Variants in GLS2 observed in about 807,000 individuals in gnomAD.
GLS2 encodes glutaminase liver isoform, mitochondrial.
GLS2 carries 52 observed loss-of-function variants against 79.0 expected under a neutral mutation model. The observed-to-expected ratio is 0.66, with a 90% confidence interval of 0.53 to 0.83. The LOEUF (loss-of-function observed/expected upper bound fraction) is 0.83. GLS2 is among the 40% of genes least tolerant of loss of function. The pLI is 0.00. For synonymous variants in GLS2, 238 were observed against 280.8 expected, an observed-to-expected ratio of 0.85 and a Z score of 1.52; for missense variants, 561 against 764.8, an observed-to-expected ratio of 0.73 and a Z score of 3.14.
intron 4 of GLS2, chr12:56,478,672 G>C (rs767071251): frequency 3.9e-6 from 1 of 259,464 alleles, no homozygotes. Context: ...CTCATTCATA[G>C]GACTCCCAGC....
In GLS2 at chr12:56,479,958, C is replaced by T. The variant is rs1870155063; in HGVS notation, c.283-57G>A. The T allele has an allele frequency of 1.1e-5, 18 of 1,576,860 alleles. No individual in the cohort carries two copies. The East Asian group carries it at 1.6e-4, about 14-fold the overall frequency. On this transcript the variant is annotated intron_variant, in intron 2 of 17. Transcript: ENST00000311966. ...GCTACAAGGACAGTGATGTACTCCT[C>T]ATAATCTTTCCCACTGGATACCCAA...
In GLS2 at chr12:56,471,079, T is replaced by G; in HGVS notation, c.*408A>C. 1 of 334,032 alleles carries G rather than the reference T, an allele frequency of 3.0e-6. No individual in the cohort carries two copies. The highest frequency in any genetic ancestry group is 5.4e-6 in the Non-Finnish European group (1 of 185,470). The allele number at this position is 334,032 out of a possible 1,614,324, so 20.7% of individuals were successfully genotyped here. A position where few individuals can be genotyped will look rare whatever the true frequency, so the allele number is the denominator to read the frequency against. ...TTCTCCAGACTACTAAAGCCATGTA[T>G]ATAGCCATTCCCACTTCCCATATTC... is the stretch of plus-strand genomic sequence containing the variant. On this transcript the variant is annotated 3_prime_UTR_variant, in exon 18 of 18. Coordinates refer to ENST00000311966, the MANE Select transcript of GLS2 (RefSeq NM_013267.4).
intron 6 of GLS2, 40 bp downstream of exon 6, chr12:56,477,893 G>C (rs371307227): frequency 6.3e-7 from 1 of 1,593,826 alleles, no homozygotes; most frequent in Non-Finnish European, 8.6e-7. Context: ...AAGGAGAAGG[G>C]GACAGCTGTA....
Position 56,477,993 on chromosome 12 carries a change from T to G in GLS2, c.718A>C (p.Lys240Gln). Residue 240 changes from lysine (K) to glutamine (Q), a missense_variant, in exon 6 of 18, where the codon AAG (lysine) becomes CAG (glutamine). Around this residue, in one of 4 missense-constraint regions of GLS2, gnomAD observed 221 missense variants for 275.6 expected, o/e 0.80. Transcript: ENST00000311966. Reference sequence around the variant, plus strand: ...CCACTTGGCTCTTTGCCCACAAACTTGTGCACGTAGTCAGTGCCTAGGGTG... The same window carrying G: ...CCACTTGGCTCTTTGCCCACAAACTGGTGCACGTAGTCAGTGCCTAGGGTG... ...ISTLGTDYVHKFVGKEPSGLR... is the reference protein window; with the variant it reads ...ISTLGTDYVHQFVGKEPSGLR... 1.9e-6 allele frequency: 3 copies of G among 1,614,196 alleles called. No individual in the cohort carries two copies. Among genetic ancestry groups the G allele is most frequent in the Non-Finnish European group, 1.7e-6 (2 of 1,180,024 alleles).
At position 56,478,691 on chromosome 12, in the gene GLS2, A is replaced by G. The variant is rs568133176; in HGVS notation, c.534+361T>C. The G allele has an allele frequency of 1.2e-5, 3 of 257,332 alleles. No individual in the cohort carries two copies. The East Asian group carries it at 2.9e-4, about 25-fold the overall frequency. 15.9% of individuals were successfully genotyped at this position (257,332 alleles called of 1,614,324 possible). On this transcript the variant is annotated intron_variant, in intron 4 of 17. Transcript: ENST00000311966. ...TTCATAGGACTCCCAGCCCCAGGAA[A>G]TCTCTGAGAAGCGAGGTATATCTAG...
chr12:56,475,837 T>TTCCAGAA, intron 8 of GLS2, 108 bp downstream of exon 8: 2 of 1,412,214 alleles, frequency 1.4e-6, no homozygotes, highest in South Asian at 2.3e-5. Context: ...AGGCTTCTAG[T>TTCCAGAA]ATGGGCTGGT....
rs745498815 is a variant in GLS2 at position 56,479,006 on chromosome 12, A to T, written c.534+46T>A. 3.3e-6 allele frequency: 5 copies of T among 1,516,186 alleles called. No individual in the cohort carries two copies. In the South Asian group the frequency reaches 6.3e-5, roughly 19 times the overall value. The allele number at this position is 1,516,186 out of a possible 1,614,324, so 93.9% of individuals were successfully genotyped here. On this transcript the variant is annotated intron_variant, in intron 4 of 17. Transcript: ENST00000311966. ...CTCAGGAAAAAAAAAAAAAAAAAAA[A>T]TCTGGCCCAGGTCCCTGACCCCTCC...
intron 1 of GLS2, 87 bp downstream of exon 1, chr12:56,487,850 C>A: frequency 7.0e-7 from 1 of 1,423,210 alleles, no homozygotes; most frequent in Non-Finnish European, 9.4e-7. Flanking sequence ...ATGAGCGGCG[C>A]TGCCTTGGAA....
intron 1 of GLS2, among the ~76,000 whole-genome samples, chr12:56,486,337 C>T (rs1870684390): frequency 6.6e-6 from 1 of 152,132 alleles, no homozygotes; most frequent in African/African-American, 2.4e-5. Context: ...CCTCTAGTTC[C>T]CTACTCTGCA....
intron 1 of GLS2, among the ~76,000 whole-genome samples, chr12:56,481,244 C>T (rs898274420): frequency 3.5e-5 from 4 of 113,680 alleles, no homozygotes; most frequent in East Asian, 2.9e-4. Flanking sequence ...CTGGTTCTGT[C>T]GCCCAGGCTG....
chr12:56,485,619 C>T (rs1323055041), intron 1 of GLS2, among the ~76,000 whole-genome samples: 1 of 152,036 alleles, frequency 6.6e-6, no homozygotes, highest in Non-Finnish European at 1.5e-5. Flanking sequence ...TTATGGGATG[C>T]ATAGCAATGT....
chr12:56,483,048 A>G (rs539890944), intron 1 of GLS2, among the ~76,000 whole-genome samples: 73 of 151,522 alleles, frequency 4.8e-4, no homozygotes, highest in Non-Finnish European at 6.8e-4. Context: ...ACAATTATTC[A>G]TCACATTGTT....
intron 1 of GLS2, 86 bp downstream of exon 1, chr12:56,487,851 T>A: frequency 7.0e-7 from 1 of 1,432,846 alleles, no homozygotes; most frequent in Non-Finnish European, 9.3e-7. Flanking sequence ...TGAGCGGCGC[T>A]GCCTTGGAAG....
intron 7 of GLS2, 50 bp downstream of exon 7, chr12:56,477,602 TACAGGAAC>T: frequency 6.6e-7 from 1 of 1,524,542 alleles, no homozygotes; most frequent in African/African-American, 1.4e-5. Flanking sequence ...ATATGAGGGA[TACAGGAAC>T]ACAGGAGCTT....
chr12:56,485,146 C>T (rs1592283829), intron 1 of GLS2, among the ~76,000 whole-genome samples: 1 of 151,794 alleles, frequency 6.6e-6, no homozygotes. Flanking sequence ...GACTATTATC[C>T]CATTTTTGTT....
At chr12:56,475,175 T>C in intron 9 of GLS2, 65 bp from the exon 10 acceptor site, 1 of 1,609,070 alleles carries the variant, frequency 6.2e-7, no homozygotes, top group Non-Finnish European at 8.5e-7. Flanking sequence ...AGGGGAAAAA[T>C]TACCTTCCCT....
chr12:56,474,790 G>C, intron 11 of GLS2, 56 bp downstream of exon 11: 1 of 1,612,444 alleles, frequency 6.2e-7, no homozygotes, highest in Non-Finnish European at 8.5e-7. Context: ...GTAGGGAAAG[G>C]GCAAGGGCAA....
chr12:56,471,540 C>G lies in GLS2; in HGVS notation c.1756G>C (p.Ala586Pro). The G allele has an allele frequency of 6.2e-7, 1 of 1,614,132 alleles. No individual in the cohort carries two copies. Among genetic ancestry groups the G allele is most frequent in the Non-Finnish European group, 8.5e-7 (1 of 1,180,016 alleles). The change falls in exon 18 of 18, where the codon GCT (alanine) becomes CCT (proline). Residue 586 changes from alanine to proline, a missense_variant. By Grantham distance (27) the Ala-to-Pro change is conservative (BLOSUM62 -1). This residue lies in a region of GLS2 where 136 missense variants were observed against 228.6 expected (regional missense o/e 0.59). Coordinates refer to ENST00000311966, the MANE Select transcript of GLS2 (RefSeq NM_013267.4). The stretch of plus-strand genomic sequence containing the variant: ...GACAGGGCCTCAGCTGCTGCCTCAG[C>G]CTGAGTTTCAGAGAGTGTGTAGGAG... The part of the protein sequence containing the change: ...QDSYTLSETQ[A>P]EAAAEALSKE...
chr12:56,482,973 C>G (rs1321691879), intron 1 of GLS2, among the ~76,000 whole-genome samples: 1 of 152,108 alleles, frequency 6.6e-6, no homozygotes, highest in African/African-American at 2.4e-5. Flanking sequence ...ATCTTTGACC[C>G]AGTAATTTGA....
Sources: gnomAD v4.1 joint callset for allele counts (sites outside exome capture counted in the v4.1 genomes callset) on GRCh38, gnomAD v4.1.1 for gene constraint, gnomAD v4.1.1 regional missense constraint, MANE v1.5 for transcripts, NCBI Gene and HGNC (gene_info 2026-07-23, HGNC 2026-07-21) for gene names.